Variants in SIPA1L1 observed in about 807,000 individuals in gnomAD.
The protein encoded by SIPA1L1 is signal induced proliferation associated 1 like 1.
SIPA1L1 carries 26 observed loss-of-function variants against 162.7 expected under a neutral mutation model. The ratio of observed to expected loss-of-function variants is 0.16; its 90% CI spans 0.12 to 0.22. SIPA1L1 has a LOEUF of 0.22. SIPA1L1 is among the 10% of genes least tolerant of loss of function. SIPA1L1 has a pLI of 1.00. For missense variants in SIPA1L1, 1,874 were observed against 2,241.0 expected, an observed-to-expected ratio of 0.84 and a Z score of 3.31; for synonymous variants, 829 against 837.4, an observed-to-expected ratio of 0.99 and a Z score of 0.17.
At chr14:71,330,826 C>T (rs183090199) in intron 2 of SIPA1L1, 2 of 619,766 alleles carry the variant, frequency 3.2e-6, no homozygotes, top group Non-Finnish European at 2.9e-6. Context: ...GATATTAACA[C>T]CTTATGAGAT....
At chr14:71,544,315 T>C (rs552681032) in intron 4 of SIPA1L1, among the ~76,000 whole-genome samples, 5 of 151,514 alleles carry the variant, frequency 3.3e-5, no homozygotes, top group Non-Finnish European at 7.4e-5. Flanking sequence ...TGTATATACA[T>C]ATATGTATAT....
intron 2 of SIPA1L1, among the ~76,000 whole-genome samples, chr14:71,390,338 C>T (rs1274775042): frequency 6.8e-6 from 1 of 147,264 alleles, no homozygotes; most frequent in East Asian, 1.9e-4. Flanking sequence ...AATATTTAAA[C>T]TATTTCCTTT....
chr14:71,465,693 C>G (rs1247379753), intron 2 of SIPA1L1, among the ~76,000 whole-genome samples: 1 of 152,290 alleles, frequency 6.6e-6, no homozygotes, highest in Non-Finnish European at 1.5e-5. Context: ...TAGAACCACT[C>G]TTGGTACCAA....
At chr14:71,386,539 C>T (rs142210195) in intron 2 of SIPA1L1, among the ~76,000 whole-genome samples, 6 of 151,930 alleles carry the variant, frequency 3.9e-5, no homozygotes, top group East Asian at 3.9e-4. Context: ...ACCATCACAG[C>T]GACTATATCT....
chr14:71,659,846 A>G (rs1472113135), intron 9 of SIPA1L1, among the ~76,000 whole-genome samples: 1 of 152,170 alleles, frequency 6.6e-6, no homozygotes, highest in Non-Finnish European at 1.5e-5. Flanking sequence ...ACAGTCTTAA[A>G]TCAGAATGAG....
In SIPA1L1 at chr14:71,733,820, C is replaced by T; in HGVS notation, c.5008+8C>T. 1 of 1,611,004 alleles carries T rather than the reference C, an allele frequency of 6.2e-7. No individual in the cohort carries two copies. The highest frequency in any genetic ancestry group is 8.5e-7 in the Non-Finnish European group (1 of 1,179,388). On this transcript the variant is annotated splice_region_variant and intron_variant, in intron 21 of 23. Transcript: ENST00000381232. ...CTGCCAAAGCCTATGAGGGTGAGTC[C>T]ACTGAATCCACACAAGACAGCCCAG... is the stretch of plus-strand genomic sequence containing the variant.
At chr14:71,437,858 C>T (rs1280642462) in intron 2 of SIPA1L1, among the ~76,000 whole-genome samples, 1 of 152,152 alleles carries the variant, frequency 6.6e-6, no homozygotes, top group Non-Finnish European at 1.5e-5. Context: ...CTTGTCCATA[C>T]CACTGTGGGA....
At chr14:71,576,664 A>T (rs1481555825) in intron 4 of SIPA1L1, 2 of 152,210 alleles carry the variant, frequency 1.3e-5, no homozygotes, top group Admixed American at 6.5e-5. Flanking sequence ...GTAGAGCTTT[A>T]TGAAGAGGGC....
chr14:71,385,755 T>C (rs2141258378), intron 2 of SIPA1L1, among the ~76,000 whole-genome samples: 1 of 148,660 alleles, frequency 6.7e-6, no homozygotes, highest in South Asian at 2.2e-4. Flanking sequence ...TGGCGCAATC[T>C]CGGCTCACTG....
At chr14:71,403,095 A>G (rs117187636) in intron 2 of SIPA1L1, among the ~76,000 whole-genome samples, 1 of 152,176 alleles carries the variant, frequency 6.6e-6, no homozygotes, top group Admixed American at 6.5e-5. Flanking sequence ...TGCCACTTAT[A>G]TGTTCATTGT....
At chr14:71,515,677 C>G (rs1269180741) in intron 3 of SIPA1L1, among the ~76,000 whole-genome samples, 1 of 152,092 alleles carries the variant, frequency 6.6e-6, no homozygotes, top group Non-Finnish European at 1.5e-5. Flanking sequence ...TGGAGTCTTA[C>G]TCTGTCTCCC....
chr14:71,607,773 G>C (rs1596385960), intron 5 of SIPA1L1, among the ~76,000 whole-genome samples: 1 of 152,110 alleles, frequency 6.6e-6, no homozygotes, highest in African/African-American at 2.4e-5. Context: ...ACCATACTTT[G>C]GGGTATTGTT....
At chr14:71,607,308 G>C (rs2037645991) in intron 5 of SIPA1L1, among the ~76,000 whole-genome samples, 1 of 151,266 alleles carries the variant, frequency 6.6e-6, no homozygotes. Context: ...GTGACTATTA[G>C]TGTTTTCTCT....
intron 4 of SIPA1L1, among the ~76,000 whole-genome samples, chr14:71,541,812 T>C (rs2054410429): frequency 6.6e-6 from 1 of 152,138 alleles, no homozygotes; most frequent in Non-Finnish European, 1.5e-5. Flanking sequence ...GTTGACACAA[T>C]GCATACATCA....
At chr14:71,582,297 C>A (rs1201857733) in intron 4 of SIPA1L1, among the ~76,000 whole-genome samples, 1 of 152,022 alleles carries the variant, frequency 6.6e-6, no homozygotes, top group Admixed American at 6.6e-5. Flanking sequence ...ATCATACAAC[C>A]AAACACCAGC....
At chr14:71,657,158 G>A (rs796608247) in intron 8 of SIPA1L1, among the ~76,000 whole-genome samples, 26 of 152,070 alleles carry the variant, frequency 1.7e-4, no homozygotes, top group African/African-American at 6.3e-4. Flanking sequence ...GACCATCCTG[G>A]CCAACATGGT....
intron 17 of SIPA1L1, among the ~76,000 whole-genome samples, chr14:71,713,833 T>G (rs1186280412): frequency 6.6e-6 from 1 of 152,186 alleles, no homozygotes; most frequent in Non-Finnish European, 1.5e-5. Flanking sequence ...TACTCCGTTG[T>G]CTTTACCTGT....
At chr14:71,330,729 G>C (rs1365328114) in intron 2 of SIPA1L1, 2 of 860,552 alleles carry the variant, frequency 2.3e-6, no homozygotes, top group Non-Finnish European at 4.0e-6. Context: ...AAACCACCGG[G>C]TAGTCATCAT....
chr14:71,541,152 A>T (rs563326205), intron 4 of SIPA1L1, among the ~76,000 whole-genome samples: 1 of 152,184 alleles, frequency 6.6e-6, no homozygotes, highest in South Asian at 2.1e-4. Flanking sequence ...TTTATGCTAT[A>T]TGGAAGATAA....
Sources: gnomAD v4.1 joint callset for allele counts (sites outside exome capture counted in the v4.1 genomes callset) on GRCh38, gnomAD v4.1.1 for gene constraint, MANE v1.5 for transcripts, NCBI Gene and HGNC (gene_info 2026-07-23, HGNC 2026-07-21) for gene names.